The following GRK5 variants were observed in gnomAD, a reference collection of about 807,000 sequenced individuals.
GRK5 encodes the protein G protein-coupled receptor kinase 5.
A neutral mutation model predicts 78.4 loss-of-function variants in GRK5; 40 were observed. The ratio of observed to expected loss-of-function variants is 0.51; its 90% CI spans 0.40 to 0.66. The LOEUF is 0.66. GRK5 is among the 30% of genes least tolerant of loss of function. The pLI is 0.00. For missense variants in GRK5, 598 were observed against 759.9 expected, an observed-to-expected ratio of 0.79 and a Z score of 2.50; for synonymous variants, 289 against 296.8, an observed-to-expected ratio of 0.97 and a Z score of 0.27.
At chr10:119,347,108 C>T (rs7092272) in intron 2 of GRK5, among the ~76,000 whole-genome samples, 48,921 of 152,018 alleles carry the variant, frequency 0.32, 7,841 homozygotes, top group East Asian at 0.38. Flanking sequence ...TGGGCTCATG[C>T]ACTCTGTTGC....
Position 119,238,700 on chromosome 10 carries a change from C to T in GRK5, c.52+30731C>T, listed in dbSNP as rs1168242315. On this transcript the variant is annotated intron_variant, in intron 1 of 15. Transcript: ENST00000392870. The surrounding 1 kb of genome is among the most constrained non-coding windows in gnomAD (Gnocchi z 4.7). The stretch of plus-strand genomic sequence containing the variant: ...TAAAAGTGAACTGCACGGGGGTTGA[C>T]TCTTTCAAGGCCTGAGATTGATGCA... Among the ~76,000 whole-genome samples, 2 of 152,170 alleles carry T rather than the reference C, an allele frequency of 1.3e-5. No individual in the cohort carries two copies. The highest frequency in any genetic ancestry group is 2.9e-5 in the Non-Finnish European group (2 of 68,038).
intron 2 of GRK5, among the ~76,000 whole-genome samples, chr10:119,339,393 C>T (rs937902532): frequency 1.3e-5 from 2 of 152,164 alleles, no homozygotes; most frequent in Non-Finnish European, 2.9e-5. Flanking sequence ...ATTTATTTGC[C>T]AGAGCTCAGG....
chr10:119,425,437 A>T (rs1032826348), intron 6 of GRK5, among the ~76,000 whole-genome samples: 1 of 152,222 alleles, frequency 6.6e-6, no homozygotes, highest in Non-Finnish European at 1.5e-5. Context: ...GTTGATGGAT[A>T]TTGAGTTGGT....
chr10:119,233,318 AG>A (rs1461944054), intron 1 of GRK5, among the ~76,000 whole-genome samples: 1 of 152,182 alleles, frequency 6.6e-6, no homozygotes, highest in Non-Finnish European at 1.5e-5. Flanking sequence ...CACATGACTC[AG>A]CCCTGGCTGT....
intron 11 of GRK5, 36 bp from the exon 12 acceptor site, chr10:119,443,508 T>G: frequency 1.3e-6 from 2 of 1,563,584 alleles, no homozygotes; most frequent in Non-Finnish European, 1.8e-6. Context: ...GCTGTCTCCC[T>G]CCTCCTCACT....
rs574737314 is a variant in GRK5 at position 119,366,185 on chromosome 10, G to A, written c.149-14630G>A. 2.0e-4 allele frequency among the ~76,000 whole-genome samples: 30 copies of A among 152,272 alleles called. No homozygotes were observed. In the South Asian group the frequency reaches 4.8e-3, roughly 24 times the overall value. On this transcript the variant is annotated intron_variant, in intron 2 of 15. Coordinates refer to ENST00000392870, the MANE Select transcript of GRK5 (RefSeq NM_005308.3). ...AGCCAAGCATTTACTTCTGGACCCC[G>A]GGGACTTTAAGACACACCCTTAAGG... is the stretch of plus-strand genomic sequence containing the variant.
At chr10:119,269,060 G>A (rs897225334) in intron 1 of GRK5, among the ~76,000 whole-genome samples, 2 of 152,206 alleles carry the variant, frequency 1.3e-5, no homozygotes, top group Non-Finnish European at 2.9e-5. Flanking sequence ...AGATTTGGGG[G>A]CCTCTGCCAC....
intron 1 of GRK5, among the ~76,000 whole-genome samples, chr10:119,295,047 G>A (rs1049109066): frequency 1.1e-4 from 16 of 151,966 alleles, no homozygotes; most frequent in Non-Finnish European, 1.6e-4. Context: ...AAAATTAGCC[G>A]GGCGTGGTGG....
At chr10:119,348,817 G>A (rs990872690) in intron 2 of GRK5, among the ~76,000 whole-genome samples, 4 of 152,228 alleles carry the variant, frequency 2.6e-5, no homozygotes, top group Admixed American at 2.0e-4. Flanking sequence ...GGCCAGCGCT[G>A]TTGCTTTGCT....
intron 1 of GRK5, among the ~76,000 whole-genome samples, chr10:119,308,686 C>T (rs2061078): frequency 0.082 from 12,438 of 152,296 alleles, 1,376 homozygotes; most frequent in African/African-American, 0.25. Context: ...TCTTACGCCT[C>T]GTTCTGAGGA....
chr10:119,416,576 GCTCT>G (rs201726205), intron 4 of GRK5, among the ~76,000 whole-genome samples: 5,144 of 68,796 alleles, frequency 0.075, 142 homozygotes, highest in African/African-American at 0.19. Flanking sequence ...CGAATTGATC[GCTCT>G]CTCTCTCTCT....
At chr10:119,234,212 CAGA>C (rs1315380539) in intron 1 of GRK5, among the ~76,000 whole-genome samples, 1 of 152,184 alleles carries the variant, frequency 6.6e-6, no homozygotes, top group East Asian at 1.9e-4. Flanking sequence ...GATGAGAAAA[CAGA>C]AGCTCAGGGA....
chr10:119,306,941 T>C (rs1292652389), intron 1 of GRK5, among the ~76,000 whole-genome samples: 1 of 152,074 alleles, frequency 6.6e-6, no homozygotes, highest in Non-Finnish European at 1.5e-5. Flanking sequence ...TGTGTGACCT[T>C]GATGGCTCAC....
At chr10:119,442,689 G>A (rs190867509) in intron 11 of GRK5, among the ~76,000 whole-genome samples, 5 of 152,344 alleles carry the variant, frequency 3.3e-5, no homozygotes, top group East Asian at 1.9e-4. Context: ...TGAGAGGCGC[G>A]TGCCCGGGGA....
intron 1 of GRK5, among the ~76,000 whole-genome samples, chr10:119,261,025 G>C (rs1472994926): frequency 9.1e-5 from 13 of 142,714 alleles, no homozygotes; most frequent in South Asian, 2.3e-4. Context: ...GCGGCTGGCC[G>C]GGCAGGGGGC....
At chr10:119,266,159 GGAAC>G (rs1360176455) in intron 1 of GRK5, among the ~76,000 whole-genome samples, 2 of 152,168 alleles carry the variant, frequency 1.3e-5, no homozygotes, top group Non-Finnish European at 2.9e-5. Flanking sequence ...ACCTATTTTA[GGAAC>G]GATGCTGGCT....
At chr10:119,326,382 T>C (rs554107912) in intron 1 of GRK5, 134 bp from the exon 2 acceptor site, 234 of 679,674 alleles carry the variant, frequency 3.4e-4, no homozygotes, top group Non-Finnish European at 5.6e-4. Context: ...TGTCTTGGGC[T>C]GGGGGTGTGT....
intron 1 of GRK5, among the ~76,000 whole-genome samples, chr10:119,313,011 G>GTGATGC (rs1850395396): frequency 4.0e-5 from 6 of 151,428 alleles, no homozygotes; most frequent in Non-Finnish European, 5.9e-5. Context: ...GGTCGTGACG[G>GTGATGC]TGATGGTAGT....
At position 119,423,103 on chromosome 10, in the gene GRK5, G is replaced by A. The variant is rs961766280; in HGVS notation, c.340-63G>A. 6 of 1,140,816 alleles carry A rather than the reference G, an allele frequency of 5.3e-6. No homozygotes were observed. In the African/African-American group the frequency reaches 9.1e-5, roughly 17 times the overall value. 70.7% of individuals were successfully genotyped at this position (1,140,816 alleles called of 1,614,324 possible). On this transcript the variant is annotated intron_variant, in intron 4 of 15. Coordinates refer to ENST00000392870, the MANE Select transcript of GRK5 (RefSeq NM_005308.3). The stretch of plus-strand genomic sequence containing the variant: ...CTGGTTCTTGGCCCAACACCTGTGG[G>A]CAAACCCGGCCGCACTGCTGCTGGC...
Sources: gnomAD v4.1 joint callset for allele counts (sites outside exome capture counted in the v4.1 genomes callset) on GRCh38, gnomAD v4.1.1 for gene constraint, Gnocchi (gnomAD v3.1) non-coding constraint, MANE v1.5 for transcripts, NCBI Gene and HGNC (gene_info 2026-07-23, HGNC 2026-07-21) for gene names.